Variants in GABPB2 observed in about 807,000 individuals in gnomAD.
GABPB2 encodes GA-binding protein subunit beta-2.
In GABPB2, 23 loss-of-function variants were observed where a neutral mutation model predicts 39.1. That is an observed-to-expected ratio of 0.59 (90% CI 0.42 to 0.83). GABPB2 has a LOEUF of 0.83. GABPB2 is among the 40% of genes least tolerant of loss of function. GABPB2 has a pLI of 0.00. For synonymous variants in GABPB2, 184 were observed against 199.3 expected (o/e 0.92, Z 0.65); for missense variants, 467 against 541.1 (o/e 0.86, Z 1.36).
chr1:151,114,435 G>A (rs1453563714), intron 7 of GABPB2, among the ~76,000 whole-genome samples: 1 of 152,084 alleles, frequency 6.6e-6, no homozygotes, highest in South Asian at 2.1e-4. Context: ...AAATAGGGCC[G>A]GGCTCAGTGG....
intron 1 of GABPB2, among the ~76,000 whole-genome samples, chr1:151,072,517 C>A (rs1676813959): frequency 6.6e-6 from 1 of 151,836 alleles, no homozygotes; most frequent in Admixed American, 6.6e-5. Context: ...CCACTGCACT[C>A]CAGCCTGGAC....
chr1:151,114,932 C>T (rs1038829070), intron 7 of GABPB2, among the ~76,000 whole-genome samples: 1 of 151,818 alleles, frequency 6.6e-6, no homozygotes, highest in Non-Finnish European at 1.5e-5. Flanking sequence ...ATCACTTGAA[C>T]CTGGGAGGTG....
At chr1:151,094,879 G>A (rs1462802389) in intron 4 of GABPB2, among the ~76,000 whole-genome samples, 1 of 151,298 alleles carries the variant, frequency 6.6e-6, no homozygotes, top group African/African-American at 2.4e-5. Context: ...GCATGGTGAC[G>A]TGTGCCTGTA....
chr1:151,080,235 A>T (rs768057907), intron 1 of GABPB2, among the ~76,000 whole-genome samples: 1 of 147,750 alleles, frequency 6.8e-6, no homozygotes, highest in Non-Finnish European at 1.5e-5. Flanking sequence ...AAAAAAAAAA[A>T]AAAAAAAAAC....
At chr1:151,101,291 A>G (rs1276577161) in intron 5 of GABPB2, among the ~76,000 whole-genome samples, 1 of 148,050 alleles carries the variant, frequency 6.8e-6, no homozygotes, top group Non-Finnish European at 1.5e-5. Context: ...AATAAAATAT[A>G]TTGCTTAGTG....
At chr1:151,115,282 CT>C (rs1680770751) in intron 7 of GABPB2, among the ~76,000 whole-genome samples, 1 of 152,012 alleles carries the variant, frequency 6.6e-6, no homozygotes, top group South Asian at 2.1e-4. Flanking sequence ...ATCGCTTGAA[CT>C]GGGGGCAGAG....
chr1:151,098,204 C>T (rs1432620781), intron 5 of GABPB2, among the ~76,000 whole-genome samples: 1 of 152,106 alleles, frequency 6.6e-6, no homozygotes, highest in African/African-American at 2.4e-5. Flanking sequence ...CAAAGGAATA[C>T]TTATTGTGTT....
At chr1:151,101,358 T>G (rs1479029709) in intron 5 of GABPB2, among the ~76,000 whole-genome samples, 2 of 152,102 alleles carry the variant, frequency 1.3e-5, no homozygotes, top group African/African-American at 4.8e-5. Flanking sequence ...GCAGATCACT[T>G]GAGGTCAGGA....
rs954221877 is a variant in GABPB2, at chr1:151,111,188, C to T, written c.922+3966C>T. Among the ~76,000 whole-genome samples, 3 of 151,948 alleles carry T rather than the reference C, an allele frequency of 2.0e-5. No individual in the cohort carries two copies. The South Asian group carries it at 6.2e-4, about 32-fold the overall frequency. On this transcript the variant is annotated intron_variant, in intron 7 of 8. Transcript: ENST00000368918. ...GCAGTGGCACGATCATGACTTACGGCAGTCTTGATATTCAGGACCCAAGTG... is the reference window on the plus strand; with the variant it reads ...GCAGTGGCACGATCATGACTTACGGTAGTCTTGATATTCAGGACCCAAGTG...
At position 151,121,271 on chromosome 1, in the gene GABPB2, G is replaced by A. The variant is rs1002171766; in HGVS notation, c.*3015G>A. ...GCTTGGGTCTGTTACAGAGCTTTGT[G>A]CCTTATAGGGTGCTCAGTGTGTGTT... On this transcript the variant is annotated 3_prime_UTR_variant, in exon 9 of 9. Transcript: ENST00000368918. The A allele has an allele frequency of 6.6e-6, 1 of 152,114 alleles. No individual in the cohort carries two copies. The highest frequency in any genetic ancestry group is 2.4e-5 in the African/African-American group (1 of 41,416). The allele number at this position is 152,114 out of a possible 1,614,324, so 9.4% of individuals were successfully genotyped here. A position where few individuals can be genotyped will look rare whatever the true frequency, so the allele number is the denominator to read the frequency against.
In GABPB2 at chr1:151,125,263, G is replaced by C. The variant is rs1453493957; in HGVS notation, c.*7007G>C. On this transcript the variant is annotated 3_prime_UTR_variant, in exon 9 of 9. Coordinates refer to ENST00000368918, the MANE Select transcript of GABPB2 (RefSeq NM_144618.3). ...CTGTCCTTCTGTCAAGGCCATTTGT[G>C]TGTGTACTGCGGCAGGTGTGTGTGT... The C allele has an allele frequency of 2.0e-5, 3 of 152,254 alleles. No individual in the cohort carries two copies. The highest frequency in any genetic ancestry group is 2.9e-5 in the Non-Finnish European group (2 of 68,086). 9.4% of individuals were successfully genotyped at this position (152,254 alleles called of 1,614,324 possible). A position where few individuals can be genotyped will look rare whatever the true frequency, so the allele number is the denominator to read the frequency against.
chr1:151,095,229 G>A (rs900183418), intron 4 of GABPB2, among the ~76,000 whole-genome samples: 7 of 152,056 alleles, frequency 4.6e-5, no homozygotes, highest in African/African-American at 1.7e-4. Flanking sequence ...AAGACACAGA[G>A]GTGTGAAAGA....
intron 2 of GABPB2, among the ~76,000 whole-genome samples, chr1:151,089,206 G>A (rs1000598719): frequency 6.6e-6 from 1 of 152,056 alleles, no homozygotes; most frequent in Non-Finnish European, 1.5e-5. Flanking sequence ...CTCTATTCTG[G>A]ACTGATTAAT....
At chr1:151,108,419 G>C (rs777733103) in intron 7 of GABPB2, among the ~76,000 whole-genome samples, 1 of 152,224 alleles carries the variant, frequency 6.6e-6, no homozygotes. Context: ...TGATCCTCCC[G>C]CCTAAGCCTC....
rs1479823803 is a variant in GABPB2 at position 151,114,951 on chromosome 1, A to C, written c.923-2441A>C. 2.6e-5 allele frequency among the ~76,000 whole-genome samples: 4 copies of C among 152,054 alleles called. No individual in the cohort carries two copies. The East Asian group carries it at 5.8e-4, about 22-fold the overall frequency. On this transcript the variant is annotated intron_variant, in intron 7 of 8. Transcript: ENST00000368918. ...CTTGAACCTGGGAGGTGGAGGTTGC[A>C]GTGAGCCAGCATCATTGCACTGCAC...
At chr1:151,104,739 C>A (rs587708340) in intron 6 of GABPB2, among the ~76,000 whole-genome samples, 1 of 148,294 alleles carries the variant, frequency 6.7e-6, no homozygotes, top group South Asian at 2.2e-4. Flanking sequence ...CCACTTATTA[C>A]TGCAAAGTTC....
At chr1:151,090,974 G>A (rs1180503147) in intron 3 of GABPB2, among the ~76,000 whole-genome samples, 1 of 149,924 alleles carries the variant, frequency 6.7e-6, no homozygotes, top group Non-Finnish European at 1.5e-5. Context: ...CTCCAGCCTG[G>A]ACAACAGAGC....
intron 7 of GABPB2, among the ~76,000 whole-genome samples, chr1:151,114,736 A>G (rs767294225): frequency 1.6e-4 from 25 of 152,074 alleles, no homozygotes; most frequent in Non-Finnish European, 2.9e-4. Flanking sequence ...TAGGCCAGGC[A>G]TGGTGGCTCA....
At chr1:151,088,690 A>C (rs765934233) in intron 2 of GABPB2, among the ~76,000 whole-genome samples, 1 of 152,204 alleles carries the variant, frequency 6.6e-6, no homozygotes. Flanking sequence ...CTTTTCTCTA[A>C]TATGCCCTGG....
Sources: allele counts gnomAD v4.1 joint callset (sites outside exome capture counted in the v4.1 genomes callset), GRCh38; gene constraint gnomAD v4.1.1; transcripts MANE v1.5; gene names NCBI Gene and HGNC (gene_info 2026-07-23, HGNC 2026-07-21).